The following CACNA1E variants were observed in gnomAD, a reference collection of about 807,000 sequenced individuals.
The protein encoded by CACNA1E is voltage-dependent R-type calcium channel subunit alpha-1E.
In CACNA1E, 40 loss-of-function variants were observed where a neutral mutation model predicts 259.2. That is an observed-to-expected ratio of 0.15 (90% CI 0.12 to 0.20). The LOEUF is 0.20. CACNA1E is among the 10% of genes least tolerant of loss of function. The pLI is 1.00. For synonymous variants in CACNA1E, 1,104 were observed against 1,138.5 expected (o/e 0.97, Z 0.61); for missense variants, 1,874 against 3,040.1 (o/e 0.62, Z 9.02).
chr1:181,333,779 C>T (rs1651470822), intron 1 of CACNA1E, among the ~76,000 whole-genome samples: 1 of 152,160 alleles, frequency 6.6e-6, no homozygotes, highest in Non-Finnish European at 1.5e-5. Flanking sequence ...CCTCAGCCTC[C>T]TAAGTAGCTG....
At chr1:181,795,306 G>C (rs1661692320) in intron 46 of CACNA1E, among the ~76,000 whole-genome samples, 1 of 152,122 alleles carries the variant, frequency 6.6e-6, no homozygotes, top group Non-Finnish European at 1.5e-5. Context: ...AGAATTGAGG[G>C]AGCTTTTCAA....
chr1:181,390,423 A>G (rs530841523), intron 1 of CACNA1E, among the ~76,000 whole-genome samples: 2 of 152,244 alleles, frequency 1.3e-5, no homozygotes, highest in South Asian at 4.1e-4. Flanking sequence ...TGACAGCTTG[A>G]TTCAGTTCAA....
chr1:181,527,295 G>C (rs920078198), intron 3 of CACNA1E, among the ~76,000 whole-genome samples: 1 of 152,216 alleles, frequency 6.6e-6, no homozygotes, highest in South Asian at 2.1e-4. Flanking sequence ...GAGCTCTCTG[G>C]TGTCTCTTTT....
chr1:181,394,970 T>G (rs1277711806), intron 1 of CACNA1E, among the ~76,000 whole-genome samples: 1 of 151,870 alleles, frequency 6.6e-6, no homozygotes, highest in Non-Finnish European at 1.5e-5. Flanking sequence ...TTACTCTAAG[T>G]GAAGGGAGGG....
chr1:181,472,790 G>A (rs1187188467), intron 2 of CACNA1E, among the ~76,000 whole-genome samples: 1 of 152,176 alleles, frequency 6.6e-6, no homozygotes, highest in East Asian at 1.9e-4. Flanking sequence ...CAAAGCAGGT[G>A]GGGTGTGGGT....
In CACNA1E at chr1:181,784,091, T is replaced by C. The variant is rs573950293; in HGVS notation, c.5470+307T>C. Reference sequence around the variant, plus strand: ...TAATTTTGTCCTTTTTTTCTGTATATGGTTTATTTTCTCTGAAGTCTTGAG... The same window carrying C: ...TAATTTTGTCCTTTTTTTCTGTATACGGTTTATTTTCTCTGAAGTCTTGAG... On this transcript the variant is annotated intron_variant, in intron 40 of 47. Coordinates refer to ENST00000367573, the MANE Select transcript of CACNA1E (RefSeq NM_001205293.3). Among the ~76,000 whole-genome samples the C allele has an allele frequency of 2.2e-4, 34 of 152,284 alleles. No homozygotes were observed. The South Asian group carries it at 7.1e-3, about 32-fold the overall frequency.
intron 7 of CACNA1E, among the ~76,000 whole-genome samples, chr1:181,682,473 C>G (rs1052302324): frequency 6.6e-6 from 1 of 152,142 alleles, no homozygotes; most frequent in Non-Finnish European, 1.5e-5. Flanking sequence ...ATGGCCACCT[C>G]TGAACTCTCA....
intron 7 of CACNA1E, among the ~76,000 whole-genome samples, chr1:181,671,580 A>C (rs1235180054): frequency 6.6e-6 from 1 of 152,206 alleles, no homozygotes; most frequent in African/African-American, 2.4e-5. Flanking sequence ...GCCTGCATTG[A>C]TCTGACCCCG....
intron 7 of CACNA1E, among the ~76,000 whole-genome samples, chr1:181,670,657 T>G (rs1319810857): frequency 4.6e-5 from 7 of 152,134 alleles, no homozygotes; most frequent in Non-Finnish European, 8.8e-5. Flanking sequence ...AGCTGACACG[T>G]CCTCAGGCTG....
At chr1:181,724,237 T>C (rs1654678723) in intron 16 of CACNA1E, among the ~76,000 whole-genome samples, 1 of 152,200 alleles carries the variant, frequency 6.6e-6, no homozygotes, top group South Asian at 2.1e-4. Flanking sequence ...AGTATTTCTT[T>C]ATCCTGGGTA....
rs367947941 is a variant in CACNA1E at position 181,721,794 on chromosome 1, A to G, written c.1993A>G (p.Asn665Asp). ...TGAGGACTGGAATGAGGTGATGTAC[A>G]ATGGGATCCGCTCCCAGGGTGGGGT... is the stretch of plus-strand genomic sequence containing the variant. ...TGEDWNEVMY[N>D]GIRSQGGVSS... The change falls in exon 16 of 48, where the codon AAT (asparagine) becomes GAT (aspartate). Residue 665 changes from asparagine to aspartate, a missense_variant. Coordinates refer to ENST00000367573, the MANE Select transcript of CACNA1E (RefSeq NM_001205293.3). 6.3e-5 allele frequency: 101 copies of G among 1,613,346 alleles called. No individual in the cohort carries two copies. The highest frequency in any genetic ancestry group is 7.7e-5 in the Non-Finnish European group (91 of 1,179,464).
At chr1:181,444,491 G>A (rs1340822105) in intron 2 of CACNA1E, among the ~76,000 whole-genome samples, 1 of 152,118 alleles carries the variant, frequency 6.6e-6, no homozygotes, top group African/African-American at 2.4e-5. Context: ...GTGATTATCT[G>A]GAGAAGTAGA....
chr1:181,528,328 T>C (rs1667518995), intron 3 of CACNA1E, among the ~76,000 whole-genome samples: 1 of 146,594 alleles, frequency 6.8e-6, no homozygotes, highest in African/African-American at 2.6e-5. Context: ...TTCTGAGGCC[T>C]CCCCAGCCAA....
intron 7 of CACNA1E, among the ~76,000 whole-genome samples, chr1:181,653,415 A>T (rs891138796): frequency 5.9e-5 from 9 of 152,172 alleles, no homozygotes; most frequent in Admixed American, 3.3e-4. Context: ...TCTGCTGCCA[A>T]GTGAGATGTG....
At chr1:181,345,983 TG>T (rs1652562494) in intron 1 of CACNA1E, among the ~76,000 whole-genome samples, 1 of 152,058 alleles carries the variant, frequency 6.6e-6, no homozygotes, top group Non-Finnish European at 1.5e-5. Context: ...CAGGACCAGG[TG>T]TTTCTGAGGG....
At chr1:181,638,104 A>G (rs1015530472) in intron 6 of CACNA1E, among the ~76,000 whole-genome samples, 11 of 152,120 alleles carry the variant, frequency 7.2e-5, no homozygotes, top group African/African-American at 1.4e-4. Context: ...TAGAAATGAC[A>G]ACTCTTCCCT....
intron 6 of CACNA1E, among the ~76,000 whole-genome samples, chr1:181,633,594 C>G (rs922732220): frequency 5.7e-4 from 87 of 152,196 alleles, no homozygotes; most frequent in African/African-American, 2.0e-3. Flanking sequence ...CAGGTTGAAG[C>G]GATTCTCATG....
intron 27 of CACNA1E, among the ~76,000 whole-genome samples, chr1:181,754,089 C>A (rs1415551741): frequency 6.6e-6 from 1 of 152,226 alleles, no homozygotes; most frequent in South Asian, 2.1e-4. Context: ...CGTGGCCAGG[C>A]TGCCTTGGGC....
At position 181,755,326 on chromosome 1, in the gene CACNA1E, C is replaced by A; in HGVS notation, c.3918C>A (p.Ile1306=). 6.2e-7 allele frequency: 1 copy of A among 1,613,678 alleles called. No homozygotes were observed. The highest frequency in any genetic ancestry group is 8.5e-7 in the Non-Finnish European group (1 of 1,179,560). Residue 1306 remains isoleucine, a synonymous_variant, in exon 28 of 48, where the codon ATC becomes ATA. Coordinates refer to ENST00000367573, the MANE Select transcript of CACNA1E (RefSeq NM_001205293.3). ...TCTTCATGTTCATCTTTGCTGTCATCGCAGTTCAGCTCTTCAAGGGAAAGT... is the reference window on the plus strand; with the variant it reads ...TCTTCATGTTCATCTTTGCTGTCATAGCAGTTCAGCTCTTCAAGGGAAAGT... ...YKLFMFIFAV[I]AVQLFKGKFF... is the part of the protein sequence containing the mutation.
Sources: allele counts gnomAD v4.1 joint callset (sites outside exome capture counted in the v4.1 genomes callset), GRCh38; gene constraint gnomAD v4.1.1; transcripts MANE v1.5; gene names NCBI Gene and HGNC (gene_info 2026-07-23, HGNC 2026-07-21).